Variants in MLLT6 observed in about 807,000 individuals in gnomAD.
MLLT6 encodes MLLT6, PHD finger containing.
In MLLT6, 22 loss-of-function variants were observed where a neutral mutation model predicts 103.0. The ratio of observed to expected loss-of-function variants is 0.21; its 90% CI spans 0.15 to 0.31. MLLT6 has a LOEUF of 0.31. MLLT6 is among the 10% of genes least tolerant of loss of function. MLLT6 has a pLI of 1.00. For missense variants in MLLT6, 1,199 were observed against 1,441.7 expected (o/e 0.83, Z 2.73); for synonymous variants, 606 against 623.5 (o/e 0.97, Z 0.42).
Position 38,716,266 on chromosome 17 carries a change from C to T in MLLT6, c.1037-101C>T, listed in dbSNP as rs1017630899. On this transcript the variant is annotated intron_variant, in intron 9 of 19. Transcript: ENST00000621332. This position sits in a 1 kb window ranked among gnomAD's most constrained non-coding sequence, Gnocchi z 5.6. ...GAGCTGAGACAGGAAACCAGGCATC[C>T]CCATTCGTGGACCAGAGCTCTCTCC... 11 of 1,257,390 alleles carry T rather than the reference C, an allele frequency of 8.7e-6. No homozygotes were observed. The highest frequency in any genetic ancestry group is 1.5e-5 in the African/African-American group (1 of 65,922). The allele number at this position is 1,257,390 out of a possible 1,614,324, so 77.9% of individuals were successfully genotyped here.
At chr17:38,706,627 T>G in intron 1 of MLLT6, 1 of 263,490 alleles carries the variant, frequency 3.8e-6, no homozygotes. Flanking sequence ...CCCTCTGGTT[T>G]TCTCTATTTC....
At chr17:38,717,361 C>G (rs1008566912) in intron 10 of MLLT6, 71 bp from the exon 11 acceptor site, 11 of 1,314,484 alleles carry the variant, frequency 8.4e-6, no homozygotes, top group Middle Eastern at 1.9e-4. Flanking sequence ...GAGGGGCTGT[C>G]AGCCACCTGG....
chr17:38,715,484 C>T, intron 8 of MLLT6, 128 bp from the exon 9 acceptor site: 3 of 1,417,218 alleles, frequency 2.1e-6, no homozygotes, highest in Non-Finnish European at 2.8e-6. Context: ...GCCCGGAAGT[C>T]CTTCATGAAA....
At chr17:38,706,871 T>G in intron 1 of MLLT6, 79 bp from the exon 2 acceptor site, 1 of 1,245,710 alleles carries the variant, frequency 8.0e-7, no homozygotes, top group Non-Finnish European at 1.1e-6. Flanking sequence ...TCCTTTGGAG[T>G]CACCGCCTTC....
At chr17:38,705,810 C>A (rs1567921760) in intron 1 of MLLT6, 69 bp downstream of exon 1, 1 of 618,354 alleles carries the variant, frequency 1.6e-6, no homozygotes, top group East Asian at 4.3e-5. Flanking sequence ...CCCGGCCGCG[C>A]CCTCCGGAGA....
In MLLT6 at chr17:38,726,448, A is replaced by G. The variant is rs960949293; in HGVS notation, c.*850A>G. The G allele has an allele frequency of 4.3e-6, 1 of 234,418 alleles. No homozygotes were observed. Among genetic ancestry groups the G allele is most frequent in the Non-Finnish European group, 8.4e-6 (1 of 118,708 alleles). The allele number at this position is 234,418 out of a possible 1,614,324, so 14.5% of individuals were successfully genotyped here. A position where few individuals can be genotyped will look rare whatever the true frequency, so the allele number is the denominator to read the frequency against. On this transcript the variant is annotated 3_prime_UTR_variant, in exon 20 of 20. Transcript: ENST00000621332. ...TCCTGGACCCAGGGCAGCCAAGGGC[A>G]GGGATAGGCGCAGTGGTCAGATGAA...
intron 2 of MLLT6, among the ~76,000 whole-genome samples, 161 bp from the exon 3 acceptor site, chr17:38,707,325 C>A (rs1191289640): frequency 1.3e-5 from 2 of 152,222 alleles, no homozygotes; most frequent in Admixed American, 6.5e-5. Flanking sequence ...TGTCCCCTTC[C>A]TCATTTTCAA....
At position 38,722,063 on chromosome 17, in the gene MLLT6, G is replaced by A. The variant is rs569310006; in HGVS notation, c.2628G>A (p.Gly876=). Residue 876 remains glycine (G), a synonymous_variant, in exon 17 of 20, where the codon GGG becomes GGA. Transcript: ENST00000621332. ...GGGCACCCGGGGCAGCGGGGCTGGGGGCCATGCCCATGGCTGAGGGGCTGT... is the reference window on the plus strand; with the variant it reads ...GGGCACCCGGGGCAGCGGGGCTGGGAGCCATGCCCATGGCTGAGGGGCTGT... ...LGRAPGAAGL[G]AMPMAEGLLG... 2.2e-5 allele frequency: 30 copies of A among 1,391,576 alleles called. No individual in the cohort carries two copies. In the African/African-American group the frequency reaches 4.6e-4, roughly 21 times the overall value. 86.2% of individuals were successfully genotyped at this position (1,391,576 alleles called of 1,614,324 possible).
chr17:38,719,994 G>GC, intron 14 of MLLT6, 99 bp downstream of exon 14: 1 of 1,434,756 alleles, frequency 7.0e-7, no homozygotes, highest in Non-Finnish European at 9.2e-7. Flanking sequence ...CCGCCCTTAG[G>GC]CCCCGCCCCA....
chr17:38,709,078 C>G lies in MLLT6; in HGVS notation c.355-95C>G. ...TCTGTGGGATAGCACTGATCTAAGA[C>G]TGTAGAGAGCAAATGGAATGGAGGG... On this transcript the variant is annotated intron_variant, in intron 4 of 19. Transcript: ENST00000621332. The surrounding 1 kb of genome is among the most constrained non-coding windows in gnomAD (Gnocchi z 4.3). 1 of 896,890 alleles carries G rather than the reference C, an allele frequency of 1.1e-6. No individual in the cohort carries two copies. Among genetic ancestry groups the G allele is most frequent in the Non-Finnish European group, 1.8e-6 (1 of 566,146 alleles). The allele number at this position is 896,890 out of a possible 1,614,324, so 55.6% of individuals were successfully genotyped here.
rs756682571 is a variant in MLLT6, at chr17:38,716,415, A to C, written c.1085A>C (p.Glu362Ala). 6.2e-7 allele frequency: 1 copy of C among 1,613,634 alleles called. No individual in the cohort carries two copies. The highest frequency in any genetic ancestry group is 1.7e-5 in the Admixed American group (1 of 59,868). Reference protein sequence around the residue: ...SPDFSAFPKLEQPEEDKYSKP... With the variant: ...SPDFSAFPKLAQPEEDKYSKP... ...GACTTCTCTGCATTCCCCAAGCTGG[A>C]GCAGCCAGAGGAGGACAAGTACTCC... Residue 362 changes from glutamate to alanine, a missense_variant, in exon 10 of 20, where the codon GAG (glutamate) becomes GCG (alanine). Transcript: ENST00000621332. This position sits in a 1 kb window ranked among gnomAD's most constrained non-coding sequence, Gnocchi z 5.6.
chr17:38,716,825 C>G lies in MLLT6; in HGVS notation c.1495C>G (p.Pro499Ala), dbSNP rs1905368923. 1.2e-6 allele frequency: 2 copies of G among 1,612,354 alleles called. No individual in the cohort carries two copies. Among genetic ancestry groups the G allele is most frequent in the Admixed American group, 1.7e-5 (1 of 59,912 alleles). Residue 499 changes from proline to alanine, a missense_variant, in exon 10 of 20, where the codon CCC becomes GCC. Pro to Ala is a conservative substitution (Grantham distance 27). This residue lies in a region of MLLT6 where 1,034 missense variants were observed against 1,091.5 expected (regional missense o/e 0.95). Coordinates refer to ENST00000621332, the MANE Select transcript of MLLT6 (RefSeq NM_005937.4). The surrounding 1 kb of genome is among the most constrained non-coding windows in gnomAD (Gnocchi z 5.6). ...GTGGPAAPSLPSAQLAGFTAT... is the reference protein window; with the variant it reads ...GTGGPAAPSLASAQLAGFTAT... The stretch of plus-strand genomic sequence containing the variant: ...TGGGGGCCCAGCTGCCCCATCCTTG[C>G]CCAGTGCCCAGCTGGCTGGCTTTAC...
At position 38,709,219 on chromosome 17, in the gene MLLT6, C is replaced by T. The variant is rs754241733; in HGVS notation, c.401C>T (p.Ser134Leu). The T allele has an allele frequency of 8.1e-6, 13 of 1,612,734 alleles. No homozygotes were observed. The East Asian group carries it at 8.9e-5, about 11-fold the overall frequency. ...CAGGGCCGGGAGAGCAAGGCGGCCT[C>T]GGGAGCCTGCATGACCTGTAACCGC... ...EEQGRESKAA[S>L]GACMTCNRHG... Residue 134 changes from serine to leucine, a missense_variant, in exon 5 of 20, where the codon TCG (serine) becomes TTG (leucine). Physicochemically the swap from Ser to Leu is moderately radical, Grantham distance 145 (BLOSUM62 -2). Transcript: ENST00000621332. The surrounding 1 kb of genome is among the most constrained non-coding windows in gnomAD (Gnocchi z 4.3).
intron 2 of MLLT6, 113 bp downstream of exon 2, chr17:38,707,142 CA>C (rs1904965121): frequency 1.2e-6 from 1 of 840,118 alleles, no homozygotes; most frequent in African/African-American, 1.7e-5. Context: ...AGCTCTGTCA[CA>C]CAGACTTCCT....
At chr17:38,706,259 T>C (rs534986893) in intron 1 of MLLT6, 1 of 152,370 alleles carries the variant, frequency 6.6e-6, no homozygotes, top group South Asian at 2.1e-4. Context: ...GGGGCCGGAA[T>C]CGAGAAGAGG....
Position 38,728,438 on chromosome 17 carries a change from T to A in MLLT6, c.*2840T>A, listed in dbSNP as rs1370151170. 1 of 233,330 alleles carries A rather than the reference T, an allele frequency of 4.3e-6. No homozygotes were observed. Among genetic ancestry groups the A allele is most frequent in the Non-Finnish European group, 8.5e-6 (1 of 118,130 alleles). 14.5% of individuals were successfully genotyped at this position (233,330 alleles called of 1,614,324 possible). On this transcript the variant is annotated 3_prime_UTR_variant, in exon 20 of 20. Transcript: ENST00000621332. ...AGCGGAAGCAGAGTTTGGAAACGCA[T>A]GAGAGCAGAGCTTCGTGTGTTCCCA...
At chr17:38,717,722 G>A in intron 11 of MLLT6, 109 bp downstream of exon 11, 2 of 1,422,492 alleles carry the variant, frequency 1.4e-6, no homozygotes, top group Non-Finnish European at 2.0e-6. Flanking sequence ...GTTGCCATCA[G>A]ACCACCCTCC....
At position 38,720,421 on chromosome 17, in the gene MLLT6, G is replaced by A. The variant is rs747291965; in HGVS notation, c.2205G>A (p.Arg735=). 2.5e-6 allele frequency: 4 copies of A among 1,612,536 alleles called. No homozygotes were observed. Among genetic ancestry groups the A allele is most frequent in the African/African-American group, 2.7e-5 (2 of 74,928 alleles). Residue 735 remains arginine, a synonymous_variant, in exon 15 of 20, where the codon CGG becomes CGA. Coordinates refer to ENST00000621332, the MANE Select transcript of MLLT6 (RefSeq NM_005937.4). ...ALHALQKENQ[R]LQEQILSLTA... is the part of the protein sequence containing the mutation. ...ACGCGCTGCAGAAGGAGAACCAGCGGCTGCAAGAGCAGATCCTGAGCCTGA... is the reference window on the plus strand; with the variant it reads ...ACGCGCTGCAGAAGGAGAACCAGCGACTGCAAGAGCAGATCCTGAGCCTGA...
intron 16 of MLLT6, 97 bp downstream of exon 16, chr17:38,720,844 G>A: frequency 2.9e-6 from 3 of 1,043,782 alleles, no homozygotes; most frequent in Non-Finnish European, 4.3e-6. Flanking sequence ...GGGCAATGAA[G>A]TGACTGACTG....
Sources: gnomAD v4.1 joint callset for allele counts (sites outside exome capture counted in the v4.1 genomes callset) on GRCh38, gnomAD v4.1.1 for gene constraint, gnomAD v4.1.1 regional missense constraint, Gnocchi (gnomAD v3.1) non-coding constraint, MANE v1.5 for transcripts, NCBI Gene and HGNC (gene_info 2026-07-23, HGNC 2026-07-21) for gene names.